The following PTPRD variants were observed in gnomAD, a reference collection of about 807,000 sequenced individuals.
PTPRD encodes the protein protein tyrosine phosphatase receptor type D, also known as receptor-type tyrosine-protein phosphatase delta.
In PTPRD, 34 loss-of-function variants were observed where a neutral mutation model predicts 214.5. The observed-to-expected ratio is 0.16, with a 90% CI of 0.12 to 0.21. The LOEUF (loss-of-function observed/expected upper bound fraction) is 0.21. Among genes scored for constraint, PTPRD ranks in the 10% least tolerant of loss-of-function variants. The pLI, the probability that PTPRD is intolerant of heterozygous loss-of-function variation, is 1.00. For missense variants in PTPRD, 2,545 were observed against 2,398.7 expected, an observed-to-expected ratio of 1.06 and a Z score of -1.27; for synonymous variants, 1,128 against 845.7, an observed-to-expected ratio of 1.33 and a Z score of -5.79.
At chr9:9,820,454 A>C (rs1327796274) in intron 5 of PTPRD, among the ~76,000 whole-genome samples, 1 of 152,044 alleles carries the variant, frequency 6.6e-6, no homozygotes, top group Non-Finnish European at 1.5e-5. Context: ...CTCTGTTGCT[A>C]GTACATTTGT....
chr9:9,962,697 T>C (rs1314585837), intron 4 of PTPRD, among the ~76,000 whole-genome samples: 2 of 152,116 alleles, frequency 1.3e-5, no homozygotes, highest in Non-Finnish European at 2.9e-5. Flanking sequence ...CTAATTGTTG[T>C]ATGTATCTAC....
chr9:9,326,195 C>A (rs1216596326), intron 9 of PTPRD, among the ~76,000 whole-genome samples: 3 of 151,990 alleles, frequency 2.0e-5, no homozygotes, highest in African/African-American at 4.8e-5. Context: ...AAGACAGGAG[C>A]CCATCCAGGA....
intron 5 of PTPRD, among the ~76,000 whole-genome samples, chr9:9,818,259 A>G (rs976512877): frequency 6.6e-6 from 1 of 152,180 alleles, no homozygotes; most frequent in African/African-American, 2.4e-5. Context: ...ACGCTGTTCT[A>G]TATCCCCTAG....
At position 8,917,290 on chromosome 9, in the gene PTPRD, G is replaced by A. The variant is rs553382989; in HGVS notation, c.-104+101407C>T. Among the ~76,000 whole-genome samples the A allele has an allele frequency of 2.0e-4, 16 of 78,834 alleles. No homozygotes were observed. In the Admixed American group the frequency reaches 2.2e-3, roughly 11 times the overall value. 51.7% of individuals were successfully genotyped at this position (78,834 alleles called of 152,430 possible). A position where few individuals can be genotyped will look rare whatever the true frequency, so the allele number is the denominator to read the frequency against. ...ATTACAGGTGCCCACCACCAGCCCAGCTAATTTTTTTTTTTTTTTGTATTT... is the reference window on the plus strand; with the variant it reads ...ATTACAGGTGCCCACCACCAGCCCAACTAATTTTTTTTTTTTTTTGTATTT... On this transcript the variant is annotated intron_variant, in intron 11 of 45. Transcript: ENST00000381196.
chr9:10,153,487 A>G (rs1416226022), intron 3 of PTPRD, among the ~76,000 whole-genome samples: 1 of 150,574 alleles, frequency 6.6e-6, no homozygotes, highest in Non-Finnish European at 1.5e-5. Flanking sequence ...TCTATAATCT[A>G]TATTTATACA....
rs569243877 is a variant in PTPRD at position 10,159,638 on chromosome 9, A to G, written c.-544-125848T>C. Among the ~76,000 whole-genome samples the G allele has an allele frequency of 6.6e-5, 10 of 152,166 alleles. No homozygotes were observed. The South Asian group carries it at 1.9e-3, about 28-fold the overall frequency. On this transcript the variant is annotated intron_variant, in intron 3 of 45. Coordinates refer to ENST00000381196, the MANE Select transcript of PTPRD (RefSeq NM_002839.4). ...ACATAGAAAAATAATTCAGAAATTTATCAGATAAATTATAAGAAAAAAATA... is the reference window on the plus strand; with the variant it reads ...ACATAGAAAAATAATTCAGAAATTTGTCAGATAAATTATAAGAAAAAAATA...
chr9:8,796,963 T>C (rs2096445697), intron 11 of PTPRD, among the ~76,000 whole-genome samples: 1 of 152,264 alleles, frequency 6.6e-6, no homozygotes, highest in Middle Eastern at 3.4e-3. Context: ...TGGAATTGAA[T>C]AATCCAAGTA....
At chr9:8,332,574 CT>C (rs1418899202) in intron 43 of PTPRD, among the ~76,000 whole-genome samples, 3 of 152,064 alleles carry the variant, frequency 2.0e-5, no homozygotes, top group Non-Finnish European at 2.9e-5. Context: ...AGCAGTCTTT[CT>C]TTTTTAGAGT....
At chr9:9,642,271 G>C (rs1298122011) in intron 7 of PTPRD, among the ~76,000 whole-genome samples, 2 of 86,886 alleles carry the variant, frequency 2.3e-5, no homozygotes, top group East Asian at 7.8e-4. Context: ...GTGGTGGGGT[G>C]GGGGGAGGGG....
At chr9:10,114,985 G>A (rs1445535720) in intron 3 of PTPRD, among the ~76,000 whole-genome samples, 1 of 151,374 alleles carries the variant, frequency 6.6e-6, no homozygotes, top group Non-Finnish European at 1.5e-5. Flanking sequence ...ACTTTTTAAA[G>A]GGAGGGGTTC....
intron 4 of PTPRD, among the ~76,000 whole-genome samples, chr9:9,993,343 C>T (rs548805043): frequency 4.9e-4 from 74 of 152,252 alleles, no homozygotes; most frequent in African/African-American, 1.5e-3. Flanking sequence ...CATCAAAGTG[C>T]GTACAAGAAT....
At chr9:8,947,941 C>A (rs994421155) in intron 11 of PTPRD, among the ~76,000 whole-genome samples, 1 of 151,728 alleles carries the variant, frequency 6.6e-6, no homozygotes. Context: ...ATCATTGCAT[C>A]GAGGTTCAGT....
chr9:9,407,898 G>A (rs986171248), intron 8 of PTPRD, among the ~76,000 whole-genome samples: 1 of 151,710 alleles, frequency 6.6e-6, no homozygotes, highest in African/African-American at 2.4e-5. Flanking sequence ...ATTTTGGTTA[G>A]ATATAAGGAA....
chr9:8,578,837 AG>A (rs759508119), intron 14 of PTPRD, among the ~76,000 whole-genome samples: 10 of 152,234 alleles, frequency 6.6e-5, no homozygotes, highest in Non-Finnish European at 1.2e-4. Context: ...TAAAAAGTAC[AG>A]GAGTTAAACT....
At chr9:9,084,060 C>A (rs144824143) in intron 10 of PTPRD, among the ~76,000 whole-genome samples, 2 of 152,126 alleles carry the variant, frequency 1.3e-5, no homozygotes, top group African/African-American at 4.8e-5. Context: ...TGGGTATATA[C>A]CCAAAGGATT....
At chr9:10,151,801 C>T (rs538830138) in intron 3 of PTPRD, among the ~76,000 whole-genome samples, 3 of 152,234 alleles carry the variant, frequency 2.0e-5, no homozygotes, top group East Asian at 3.9e-4. Context: ...TGTTTTCTGT[C>T]GCTGTGGTTT....
chr9:9,343,365 T>C (rs2047579372), intron 9 of PTPRD, among the ~76,000 whole-genome samples: 1 of 152,206 alleles, frequency 6.6e-6, no homozygotes, highest in Non-Finnish European at 1.5e-5. Context: ...TTCCTATTTC[T>C]CCACATCCCC....
chr9:8,938,570 T>G (rs997856558), intron 11 of PTPRD, among the ~76,000 whole-genome samples: 22 of 152,086 alleles, frequency 1.4e-4, no homozygotes, highest in African/African-American at 5.3e-4. Flanking sequence ...GTATTTAGGT[T>G]CACACCTCCT....
intron 4 of PTPRD, among the ~76,000 whole-genome samples, chr9:10,023,726 G>C (rs1467928876): frequency 1.3e-5 from 2 of 150,220 alleles, no homozygotes; most frequent in Admixed American, 6.6e-5. Context: ...GCAATTTAGG[G>C]CCTAAGTACA....
Sources: gnomAD v4.1 joint callset for allele counts (sites outside exome capture counted in the v4.1 genomes callset) on GRCh38, gnomAD v4.1.1 for gene constraint, MANE v1.5 for transcripts, NCBI Gene and HGNC (gene_info 2026-07-23, HGNC 2026-07-21) for gene names.